ECT2L: variants seen among roughly 807,000 people sequenced by gnomAD.
ECT2L encodes epithelial cell-transforming sequence 2 oncogene-like.
A neutral mutation model predicts 122.8 loss-of-function variants in ECT2L; 126 were observed. The ratio of observed to expected loss-of-function variants is 1.03; its 90% confidence interval spans 0.89 to 1.19. ECT2L has a LOEUF of 1.19. ECT2L is among the 50% of genes most tolerant of loss of function. The pLI, the probability that ECT2L is intolerant of heterozygous loss-of-function variation, is 0.00. For synonymous variants in ECT2L, 385 were observed against 381.8 expected (o/e 1.01, Z -0.10); for missense variants, 1,012 against 1,064.1 (o/e 0.95, Z 0.68).
At chr6:138,891,706 A>G (rs142650993) in intron 20 of ECT2L, among the ~76,000 whole-genome samples, 12 of 152,352 alleles carry the variant, frequency 7.9e-5, no homozygotes, top group Non-Finnish European at 1.6e-4. Context: ...CGTAAAATGT[A>G]TAAAATCAAG....
At chr6:138,861,747 A>C (rs1210952698) in intron 10 of ECT2L, among the ~76,000 whole-genome samples, 1 of 152,022 alleles carries the variant, frequency 6.6e-6, no homozygotes, top group East Asian at 1.9e-4. Context: ...CCCACTTGTC[A>C]ATTCTGGCTT....
At chr6:138,815,072 T>C (rs1239526083) in intron 4 of ECT2L, among the ~76,000 whole-genome samples, 1 of 152,208 alleles carries the variant, frequency 6.6e-6, no homozygotes, top group Non-Finnish European at 1.5e-5. Flanking sequence ...GAGGGTTCTC[T>C]TTCTCTTTCT....
intron 1 of ECT2L, among the ~76,000 whole-genome samples, chr6:138,796,973 T>C (rs1327904411): frequency 6.6e-6 from 1 of 152,124 alleles, no homozygotes; most frequent in Non-Finnish European, 1.5e-5. Flanking sequence ...GGAAGTTTTA[T>C]AGCAACAGTT....
intron 19 of ECT2L, 51 bp downstream of exon 19, chr6:138,886,973 CA>C: frequency 6.7e-7 from 1 of 1,485,020 alleles, no homozygotes; most frequent in Non-Finnish European, 9.4e-7. Flanking sequence ...ATACAACCTC[CA>C]GTCTTTTGCA....
At chr6:138,872,277 A>T (rs1294493510) in intron 13 of ECT2L, among the ~76,000 whole-genome samples, 1 of 152,208 alleles carries the variant, frequency 6.6e-6, no homozygotes, top group Non-Finnish European at 1.5e-5. Flanking sequence ...TCATCTTTTT[A>T]GTTCCATTCT....
Position 138,881,154 on chromosome 6 carries a change from G to A in ECT2L, c.1863G>A (p.Gln621=), listed in dbSNP as rs375559306. 1.2e-6 allele frequency: 2 copies of A among 1,613,864 alleles called. No homozygotes were observed. The highest frequency in any genetic ancestry group is 2.7e-5 in the African/African-American group (2 of 74,908). ...AGATCATTTTCTGTGACATTCTACA[G>A]ATTTTAAGTCTCAACAGGTAAACCC... ...NIQIIFCDIL[Q]ILSLNRQFLD... The change falls in exon 15 of 22, where the codon CAG becomes CAA. Residue 621 remains glutamine, a synonymous_variant. Coordinates refer to ENST00000541398, the MANE Select transcript of ECT2L (RefSeq NM_001077706.3).
At chr6:138,863,628 T>C (rs914413456) in intron 11 of ECT2L, among the ~76,000 whole-genome samples, 4 of 151,494 alleles carry the variant, frequency 2.6e-5, no homozygotes, top group Non-Finnish European at 2.9e-5. Flanking sequence ...TTTTTTTTTT[T>C]GAGACAGAGT....
At chr6:138,810,316 A>G (rs543983433) in intron 1 of ECT2L, among the ~76,000 whole-genome samples, 3 of 152,226 alleles carry the variant, frequency 2.0e-5, no homozygotes, top group Non-Finnish European at 4.4e-5. Flanking sequence ...ACTGGCAAGG[A>G]CCAGTCAAAA....
Position 138,890,492 on chromosome 6 carries a change from CTTTTTTT to C in ECT2L, c.2414+1483_2414+1489del, listed in dbSNP as rs552594959. 4.8e-3 allele frequency among the ~76,000 whole-genome samples: 377 copies of C among 78,976 alleles called. 1 individual carries two copies. Among genetic ancestry groups the C allele is most frequent in the Middle Eastern group, 0.033 (4 of 122 alleles). The allele number at this position is 78,976 out of a possible 152,430, so 51.8% of individuals were successfully genotyped here. On this transcript the variant is annotated intron_variant, in intron 20 of 21. Transcript: ENST00000541398. The stretch of plus-strand genomic sequence containing the variant: ...TCATGACATTTTTGTTTTCTTTGAT[CTTTTTTT>C]TTTTTTTTTTTTTTTTTTTTTGGTC...
At chr6:138,890,130 GAAATA>G (rs1433980340) in intron 20 of ECT2L, among the ~76,000 whole-genome samples, 9 of 152,030 alleles carry the variant, frequency 5.9e-5, no homozygotes, top group Non-Finnish European at 1.2e-4. Context: ...GAATAAAATA[GAAATA>G]AAATAAATAA....
intron 5 of ECT2L, among the ~76,000 whole-genome samples, chr6:138,841,904 G>A (rs577026819): frequency 1.3e-4 from 20 of 152,188 alleles, no homozygotes; most frequent in East Asian, 3.9e-4. Flanking sequence ...TGGCAATATC[G>A]TACGCTTCAG....
intron 13 of ECT2L, among the ~76,000 whole-genome samples, chr6:138,873,532 G>C (rs997220763): frequency 2.0e-5 from 3 of 152,226 alleles, no homozygotes; most frequent in Non-Finnish European, 4.4e-5. Context: ...AGCGGCTCAC[G>C]CCTGTAATCC....
intron 4 of ECT2L, among the ~76,000 whole-genome samples, chr6:138,818,038 G>A (rs1356726008): frequency 6.6e-6 from 1 of 152,164 alleles, no homozygotes; most frequent in Non-Finnish European, 1.5e-5. Flanking sequence ...CACACTGGTG[G>A]AACCGGTTTT....
chr6:138,805,449 G>T (rs756701149), intron 1 of ECT2L, among the ~76,000 whole-genome samples: 2 of 152,234 alleles, frequency 1.3e-5, no homozygotes, highest in East Asian at 3.8e-4. Context: ...TTGTCAGTCT[G>T]TTCTGGATAA....
At chr6:138,822,693 C>T (rs575368010) in intron 4 of ECT2L, 9 of 1,489,306 alleles carry the variant, frequency 6.0e-6, no homozygotes, top group Admixed American at 2.1e-5. Context: ...CAGCTCCCAG[C>T]GTGAGCGACG....
chr6:138,799,310 G>A (rs1775450283), intron 1 of ECT2L, among the ~76,000 whole-genome samples: 1 of 151,746 alleles, frequency 6.6e-6, no homozygotes. Flanking sequence ...CTGGAGTGCA[G>A]TGGCACGATC....
chr6:138,898,295 C>T (rs1779282019), intron 20 of ECT2L, among the ~76,000 whole-genome samples: 1 of 152,128 alleles, frequency 6.6e-6, no homozygotes, highest in African/African-American at 2.4e-5. Context: ...AAATGTGAAG[C>T]ACCCCACTCC....
intron 1 of ECT2L, among the ~76,000 whole-genome samples, chr6:138,799,898 A>G (rs565122181): frequency 6.6e-5 from 10 of 152,344 alleles, no homozygotes; most frequent in Admixed American, 5.9e-4. Flanking sequence ...TCTAACTCCC[A>G]GGGTGAATCT....
chr6:138,838,513 A>C lies in ECT2L; in HGVS notation c.341A>C (p.Gln114Pro). 1 of 1,609,302 alleles carries C rather than the reference A, an allele frequency of 6.2e-7. No individual in the cohort carries two copies. The highest frequency in any genetic ancestry group is 8.5e-7 in the Non-Finnish European group (1 of 1,178,400). ...VSWPWKFLTE[Q>P]DCLWMPKCVK... ...TGGCCCTGGAAGTTTTTAACTGAAC[A>C]GGTTTACTATTTGCCACTTCCTAGT... Residue 114 changes from glutamine (Q) to proline (P), a missense_variant and splice_region_variant, in exon 5 of 22, where the codon CAG (glutamine) becomes CCG (proline). Coordinates refer to ENST00000541398, the MANE Select transcript of ECT2L (RefSeq NM_001077706.3).
Sources: allele counts gnomAD v4.1 joint callset (sites outside exome capture counted in the v4.1 genomes callset), GRCh38; gene constraint gnomAD v4.1.1; transcripts MANE v1.5; gene names NCBI Gene and HGNC (gene_info 2026-07-23, HGNC 2026-07-21).